ZC3H3: variants seen among roughly 807,000 people sequenced by gnomAD.
ZC3H3 encodes the protein zinc finger CCCH-type containing 3, also known as zinc finger CCCH domain-containing protein 3.
Under a neutral mutation model 77.3 loss-of-function variants are expected in ZC3H3, and 36 were observed. That is an observed-to-expected ratio of 0.47 (90% CI 0.36 to 0.61). ZC3H3 has a LOEUF of 0.61. Ranked by LOEUF, ZC3H3 falls within the 20% of genes least tolerant of loss-of-function variation. The pLI is 0.00. For missense variants in ZC3H3, 1,331 were observed against 1,312.2 expected, an observed-to-expected ratio of 1.01 and a Z score of -0.22; for synonymous variants, 626 against 555.2, an observed-to-expected ratio of 1.13 and a Z score of -1.79.
intron 3 of ZC3H3, among the ~76,000 whole-genome samples, chr8:143,520,298 G>A (rs1822199624): frequency 1.3e-5 from 2 of 152,224 alleles, no homozygotes; most frequent in Admixed American, 6.5e-5. Flanking sequence ...TTGGGGGCAG[G>A]CTCCCCTGCT....
At chr8:143,532,559 CA>C (rs947714660) in intron 3 of ZC3H3, among the ~76,000 whole-genome samples, 20 of 152,406 alleles carry the variant, frequency 1.3e-4, no homozygotes, top group Admixed American at 7.8e-4. Context: ...ACGACCCCAG[CA>C]TCCAGGAACG....
At chr8:143,470,867 A>G (rs1373690714) in intron 5 of ZC3H3, among the ~76,000 whole-genome samples, 1 of 152,230 alleles carries the variant, frequency 6.6e-6, no homozygotes, top group East Asian at 1.9e-4. Context: ...GTTCAACTGA[A>G]TAACCCCCAG....
chr8:143,518,903 C>T (rs1045263148), intron 3 of ZC3H3, among the ~76,000 whole-genome samples: 16 of 152,228 alleles, frequency 1.1e-4, no homozygotes, highest in Admixed American at 2.0e-4. Flanking sequence ...GGCACCAGCC[C>T]GGCAGGCAGC....
At chr8:143,501,456 G>A (rs146934217) in intron 4 of ZC3H3, among the ~76,000 whole-genome samples, 66 of 152,282 alleles carry the variant, frequency 4.3e-4, no homozygotes, top group African/African-American at 6.5e-4. Context: ...CACCTGCCTC[G>A]GCCTCCCAAA....
At chr8:143,483,487 G>A (rs946272665) in intron 4 of ZC3H3, among the ~76,000 whole-genome samples, 2 of 152,186 alleles carry the variant, frequency 1.3e-5, no homozygotes, top group South Asian at 2.1e-4. Context: ...CCTGAGTTCC[G>A]GAGGAGGAAG....
chr8:143,518,005 C>CT (rs1563875009), intron 3 of ZC3H3, among the ~76,000 whole-genome samples: 1 of 152,072 alleles, frequency 6.6e-6, no homozygotes, highest in Non-Finnish European at 1.5e-5. Context: ...CACCACGTCT[C>CT]AGGGTACAGG....
intron 3 of ZC3H3, among the ~76,000 whole-genome samples, chr8:143,529,479 C>T (rs531414921): frequency 1.4e-4 from 21 of 152,312 alleles, no homozygotes; most frequent in African/African-American, 5.1e-4. Flanking sequence ...GACCCAAGGA[C>T]ACAGGAGGGC....
Position 143,536,368 on chromosome 8 carries a change from CCCT to C in ZC3H3, c.1447_1449del (p.Arg483del). ...TTCTTCAGGACAGGGCTGCTCTTCC[CCCT>C]GAGGGCCTGTCTCCGCCGGAGGCTG... On this transcript the variant is annotated inframe_deletion, in exon 3 of 12. Coordinates refer to ENST00000262577, the MANE Select transcript of ZC3H3 (RefSeq NM_015117.3). The C allele has an allele frequency of 2.5e-6, 4 of 1,597,886 alleles. No homozygotes were observed. Among genetic ancestry groups the C allele is most frequent in the Non-Finnish European group, 3.4e-6 (4 of 1,172,096 alleles).
intron 9 of ZC3H3, among the ~76,000 whole-genome samples, chr8:143,457,687 C>A (rs1429313725): frequency 1.3e-5 from 2 of 152,002 alleles, no homozygotes; most frequent in African/African-American, 4.8e-5. Flanking sequence ...GGTGACAGAA[C>A]AAGACCCTGT....
intron 3 of ZC3H3, among the ~76,000 whole-genome samples, chr8:143,527,050 C>T (rs954329863): frequency 2.0e-5 from 3 of 152,150 alleles, no homozygotes; most frequent in Non-Finnish European, 2.9e-5. Context: ...GGGTGGCCAT[C>T]GGGACGGCCC....
At chr8:143,446,094 C>T (rs1411725755) in intron 9 of ZC3H3, among the ~76,000 whole-genome samples, 2 of 152,136 alleles carry the variant, frequency 1.3e-5, no homozygotes, top group African/African-American at 2.4e-5. Context: ...CGCACACCCG[C>T]TGGAAACAAT....
chr8:143,481,741 C>T (rs543886774), intron 4 of ZC3H3, among the ~76,000 whole-genome samples: 8 of 152,372 alleles, frequency 5.3e-5, no homozygotes, highest in African/African-American at 1.9e-4. Context: ...TTTAAACACA[C>T]TCCAGCACTA....
intron 9 of ZC3H3, among the ~76,000 whole-genome samples, chr8:143,458,114 C>CA (rs1165880999): frequency 4.5e-4 from 69 of 152,276 alleles, no homozygotes; most frequent in African/African-American, 1.3e-3. Context: ...AAAAAGAAGT[C>CA]ACAAACTTCC....
intron 4 of ZC3H3, among the ~76,000 whole-genome samples, chr8:143,489,774 AATCAAGCGC>A (rs1265341320): frequency 6.6e-6 from 1 of 152,226 alleles, no homozygotes; most frequent in African/African-American, 2.4e-5. Flanking sequence ...CACGCTGTTA[AATCAAGCGC>A]CTTGCCAATT....
At chr8:143,489,403 C>A (rs913395376) in intron 4 of ZC3H3, among the ~76,000 whole-genome samples, 1 of 152,184 alleles carries the variant, frequency 6.6e-6, no homozygotes, top group Non-Finnish European at 1.5e-5. Flanking sequence ...GGAGCTGGGG[C>A]CCCTCAGCCA....
intron 3 of ZC3H3, among the ~76,000 whole-genome samples, chr8:143,532,551 G>A (rs925477965): frequency 1.1e-4 from 17 of 152,362 alleles, no homozygotes; most frequent in African/African-American, 3.4e-4. Flanking sequence ...CAGCCCACAC[G>A]ACCCCAGCAT....
chr8:143,494,987 C>A lies in ZC3H3; in HGVS notation c.1715+12759G>T, dbSNP rs1204034015. 2.0e-5 allele frequency among the ~76,000 whole-genome samples: 3 copies of A among 152,208 alleles called. No individual in the cohort carries two copies. The highest frequency in any genetic ancestry group is 2.9e-5 in the Non-Finnish European group (2 of 68,050). ...AATGCAGATTAGAAAGGCGGTAACA[C>A]CACGTCTGAGGGGAACAGAAAGGGT... On this transcript the variant is annotated intron_variant, in intron 4 of 11. Transcript: ENST00000262577. This position sits in a 1 kb window ranked among gnomAD's most constrained non-coding sequence, Gnocchi z 5.3.
chr8:143,475,579 C>T lies in ZC3H3; in HGVS notation c.1722G>A (p.Leu574=). Residue 574 remains leucine, a synonymous_variant, in exon 5 of 12, where the codon CTG becomes CTA. Transcript: ENST00000262577. Reference sequence around the variant, plus strand: ...CAACTGGACGCAGGCGGTTCAGCACCAGGGACCTGCAGAGACAGGAAATGC... The same window carrying T: ...CAACTGGACGCAGGCGGTTCAGCACTAGGGACCTGCAGAGACAGGAAATGC... ...RARRLSLSRS[L]VLNRLRPVAS... 6.3e-7 allele frequency: 1 copy of T among 1,592,672 alleles called. No homozygotes were observed. The highest frequency in any genetic ancestry group is 8.5e-7 in the Non-Finnish European group (1 of 1,169,908).
intron 9 of ZC3H3, among the ~76,000 whole-genome samples, chr8:143,447,104 T>C (rs1427755750): frequency 2.6e-5 from 4 of 152,260 alleles, no homozygotes; most frequent in Admixed American, 2.6e-4. Flanking sequence ...CCCAGCTGGC[T>C]TGACCACAGC....
Sources: allele counts gnomAD v4.1 joint callset (sites outside exome capture counted in the v4.1 genomes callset), GRCh38; gene constraint gnomAD v4.1.1; non-coding constraint Gnocchi (gnomAD v3.1); transcripts MANE v1.5; gene names NCBI Gene and HGNC (gene_info 2026-07-23, HGNC 2026-07-21).